Variants in ABHD5 observed in about 807,000 individuals in gnomAD.
ABHD5 encodes 1-acylglycerol-3-phosphate O-acyltransferase ABHD5.
ABHD5 carries 30 observed loss-of-function variants against 44.9 expected under a neutral mutation model. That is an observed-to-expected ratio of 0.67 (90% CI 0.50 to 0.91). The LOEUF (loss-of-function observed/expected upper bound fraction) is 0.91, where lower values mean the gene tolerates loss of function less well. Ranked by LOEUF, ABHD5 falls within the 40% of genes least tolerant of loss-of-function variation. The pLI, the probability that ABHD5 is intolerant of heterozygous loss-of-function variation, is 0.00. For synonymous variants in ABHD5, 167 were observed against 147.0 expected (o/e 1.14, Z -0.99); for missense variants, 399 against 423.4 (o/e 0.94, Z 0.50).
At chr3:43,697,350 T>A (rs933645481) in intron 1 of ABHD5, among the ~76,000 whole-genome samples, 1 of 152,228 alleles carries the variant, frequency 6.6e-6, no homozygotes, top group Non-Finnish European at 1.5e-5. Context: ...TAATTTTTTT[T>A]AATTGACCTC....
intron 7 of ABHD5, among the ~76,000 whole-genome samples, chr3:43,731,206 G>C (rs2084910903): frequency 6.6e-6 from 1 of 152,154 alleles, no homozygotes; most frequent in Non-Finnish European, 1.5e-5. Context: ...TTCACACACA[G>C]ATATCACCTA....
chr3:43,709,946 G>A (rs150431586), intron 3 of ABHD5, among the ~76,000 whole-genome samples: 2 of 152,268 alleles, frequency 1.3e-5, no homozygotes, highest in African/African-American at 4.8e-5. Context: ...AGGAGACTGA[G>A]GCAGGAGAAT....
intron 6 of ABHD5, among the ~76,000 whole-genome samples, 178 bp from the exon 7 acceptor site, chr3:43,718,265 C>G (rs1301414758): frequency 1.3e-5 from 2 of 152,206 alleles, no homozygotes; most frequent in Non-Finnish European, 2.9e-5. Context: ...TTTCTATTCT[C>G]AGATCCTTTT....
At chr3:43,707,161 T>C (rs1402065368) in intron 3 of ABHD5, among the ~76,000 whole-genome samples, 1 of 152,100 alleles carries the variant, frequency 6.6e-6, no homozygotes, top group African/African-American at 2.4e-5. Flanking sequence ...CAGTACCCCA[T>C]TAAAAAAACT....
intron 4 of ABHD5, 111 bp from the exon 5 acceptor site, chr3:43,714,834 ATG>A: frequency 1.5e-6 from 1 of 686,856 alleles, no homozygotes; most frequent in Non-Finnish European, 2.7e-6. Context: ...ACATATATAT[ATG>A]TGTGCATATA....
intron 5 of ABHD5, among the ~76,000 whole-genome samples, chr3:43,715,349 G>A (rs1289818273): frequency 2.0e-5 from 3 of 151,988 alleles, no homozygotes; most frequent in Non-Finnish European, 4.4e-5. Flanking sequence ...TTTTAGTAGA[G>A]ACGGGGTTTC....
At chr3:43,691,512 A>G (rs1158743980) in intron 1 of ABHD5, 2 of 152,728 alleles carry the variant, frequency 1.3e-5, no homozygotes, top group African/African-American at 4.8e-5. Flanking sequence ...GTCTACAGGT[A>G]CTACCTGTGC....
intron 1 of ABHD5, among the ~76,000 whole-genome samples, chr3:43,694,739 A>G (rs1173153414): frequency 6.6e-6 from 1 of 152,196 alleles, no homozygotes; most frequent in Non-Finnish European, 1.5e-5. Flanking sequence ...TTAAAACAGT[A>G]TTAATTAATG....
chr3:43,693,466 A>T (rs1255961052), intron 1 of ABHD5, among the ~76,000 whole-genome samples: 1 of 152,190 alleles, frequency 6.6e-6, no homozygotes, highest in Non-Finnish European at 1.5e-5. Context: ...TTCTCTATCT[A>T]ATCTTTTTAA....
intron 4 of ABHD5, 64 bp from the exon 5 acceptor site, chr3:43,714,883 A>G: frequency 8.7e-7 from 1 of 1,153,240 alleles, no homozygotes; most frequent in South Asian, 1.2e-5. Flanking sequence ...AACTTTCTAT[A>G]TTATTTAGTT....
chr3:43,691,009 A>AGGAGGT lies in ABHD5; in HGVS notation c.21_26dup (p.Glu7_Val8dup). On this transcript the variant is annotated inframe_insertion, in exon 1 of 7. Transcript: ENST00000644371. ...GCGGCGGCTATGGCGGCGGAGGAGG[A>AGGAGGT]GGAGGTGGACTCTGCCGACACCGGA... 1 of 1,567,268 alleles carries AGGAGGT rather than the reference A, an allele frequency of 6.4e-7. No individual in the cohort carries two copies. The highest frequency in any genetic ancestry group is 1.2e-5 in the South Asian group (1 of 86,710).
At chr3:43,714,885 T>C (rs2084741292) in intron 4 of ABHD5, 62 bp from the exon 5 acceptor site, 2 of 1,165,706 alleles carry the variant, frequency 1.7e-6, no homozygotes, top group Middle Eastern at 1.9e-4. Context: ...CTTTCTATAT[T>C]ATTTAGTTGA....
In ABHD5 at chr3:43,721,387, CT is replaced by C. The variant is rs1291535557; in HGVS notation, c.*2858del. ...TTGTATAATCTGACAGTGAGAAAAA[CT>C]TTCCTAGGACTGAAAATTCAGAAGC... On this transcript the variant is annotated 3_prime_UTR_variant, in exon 7 of 7. Coordinates refer to ENST00000644371, the MANE Select transcript of ABHD5 (RefSeq NM_016006.6). 6.6e-6 allele frequency: 1 copy of C among 151,956 alleles called. No individual in the cohort carries two copies. Among genetic ancestry groups the C allele is most frequent in the East Asian group, 1.9e-4 (1 of 5,198 alleles). The allele number at this position is 151,956 out of a possible 1,614,324, so 9.4% of individuals were successfully genotyped here. A position where few individuals can be genotyped will look rare whatever the true frequency, so the allele number is the denominator to read the frequency against.
At position 43,697,305 on chromosome 3, in the gene ABHD5, A is replaced by G. The variant is rs146297423; in HGVS notation, c.48-1971A>G. 6.5e-4 allele frequency among the ~76,000 whole-genome samples: 99 copies of G among 152,258 alleles called. 2 individuals are homozygous for G. Among genetic ancestry groups the G allele is most frequent in the African/African-American group, 2.3e-3 (96 of 41,536 alleles). ...TTGCCCCAGTTTGTCTGTGATATCAACTGGAGCAATAGTAGCTTATACTTC... is the reference window on the plus strand; with the variant it reads ...TTGCCCCAGTTTGTCTGTGATATCAGCTGGAGCAATAGTAGCTTATACTTC... On this transcript the variant is annotated intron_variant, in intron 1 of 6. Coordinates refer to ENST00000644371, the MANE Select transcript of ABHD5 (RefSeq NM_016006.6).
rs1285224331 is a variant in ABHD5 at position 43,702,372 on chromosome 3, T to C, written c.291T>C (p.Asp97=). The C allele has an allele frequency of 1.2e-6, 2 of 1,614,214 alleles. No individual in the cohort carries two copies. Among genetic ancestry groups the C allele is most frequent in the Admixed American group, 3.3e-5 (2 of 60,020 alleles). The change falls in exon 3 of 7, where the codon GAT becomes GAC. Residue 97 remains aspartate (D), a synonymous_variant. Transcript: ENST00000644371. ...GLGLWALNFG[D]LCTNRPVYAF... is the part of the protein sequence containing the mutation. The stretch of plus-strand genomic sequence containing the variant: ...GGCTCTGGGCACTGAATTTTGGAGA[T>C]CTTTGCACCAACAGACCTGTCTATG...
intron 4 of ABHD5, 67 bp from the exon 5 acceptor site, chr3:43,714,863 CAAGCACTAAAACTTTCT>C: frequency 1.1e-6 from 1 of 929,694 alleles, no homozygotes; most frequent in Non-Finnish European, 1.7e-6. Flanking sequence ...ATTACACAGA[CAAGCACTAAAACTTTCT>C]ATATTATTTA....
chr3:43,699,405 T>A, intron 2 of ABHD5, 44 bp downstream of exon 2: 1 of 1,512,390 alleles, frequency 6.6e-7, no homozygotes, highest in South Asian at 1.1e-5. Flanking sequence ...TGTACTAAGA[T>A]AGGTCCAATA....
intron 4 of ABHD5, among the ~76,000 whole-genome samples, chr3:43,714,450 G>C (rs1230736955): frequency 1.3e-5 from 2 of 152,032 alleles, no homozygotes; most frequent in African/African-American, 4.8e-5. Context: ...GCTTTTTCTA[G>C]AGTGGGGCTG....
intron 7 of ABHD5, among the ~76,000 whole-genome samples, chr3:43,733,101 C>A (rs1697265820): frequency 6.6e-6 from 1 of 152,194 alleles, no homozygotes; most frequent in African/African-American, 2.4e-5. Context: ...AAGTGACATC[C>A]CGCGGTCTTT....
Sources: allele counts gnomAD v4.1 joint callset (sites outside exome capture counted in the v4.1 genomes callset), GRCh38; gene constraint gnomAD v4.1.1; transcripts MANE v1.5; gene names NCBI Gene and HGNC (gene_info 2026-07-23, HGNC 2026-07-21).